DHRS7: variants seen among roughly 807,000 people sequenced by gnomAD.
DHRS7 encodes the protein dehydrogenase/reductase 7, also known as dehydrogenase/reductase SDR family member 7.
DHRS7 carries 34 observed loss-of-function variants against 38.9 expected under a neutral mutation model. The observed-to-expected ratio is 0.87, with a 90% CI of 0.66 to 1.16. DHRS7 has a LOEUF of 1.16. Ranked by LOEUF, DHRS7 falls within the 50% of genes most tolerant of loss-of-function variation. The probability of loss-of-function intolerance (pLI) is 0.00; values close to 1 mark genes in which losing one functional copy is unlikely to be tolerated. For synonymous variants in DHRS7, 158 were observed against 153.1 expected, an observed-to-expected ratio of 1.03 and a Z score of -0.24; for missense variants, 421 against 407.0, an observed-to-expected ratio of 1.03 and a Z score of -0.30.
intron 1 of DHRS7, among the ~76,000 whole-genome samples, chr14:60,158,230 C>CG (rs1441167002): frequency 3.7e-5 from 3 of 80,948 alleles, no homozygotes; most frequent in African/African-American, 2.2e-4. Flanking sequence ...GAGACTCTGT[C>CG]GGAAAAAAAA....
chr14:60,154,190 AAGTTCCT>A (rs1896611973), intron 2 of DHRS7, 125 bp from the exon 3 acceptor site: 3 of 687,702 alleles, frequency 4.4e-6, no homozygotes, highest in Non-Finnish European at 7.4e-6. Flanking sequence ...GGCCCTGTGA[AAGTTCCT>A]CTCGGTGGTC....
At position 60,165,379 on chromosome 14, in the gene DHRS7, G is replaced by T. The variant is rs879042109; in HGVS notation, c.-70C>A. 4.4e-5 allele frequency: 66 copies of T among 1,515,904 alleles called. No homozygotes were observed. The highest frequency in any genetic ancestry group is 5.6e-5 in the Non-Finnish European group (64 of 1,135,620). 93.9% of individuals were successfully genotyped at this position (1,515,904 alleles called of 1,614,324 possible). ...CCAGAGTCGCGTCGCTGCCCTGCGG[G>T]ATCGCAGCGCCACCCCTTCGGCCAG... is the stretch of plus-strand genomic sequence containing the variant. On this transcript the variant is annotated 5_prime_UTR_variant, in exon 1 of 7. Transcript: ENST00000557185. This position sits in a 1 kb window ranked among gnomAD's most constrained non-coding sequence, Gnocchi z 4.6.
Position 60,153,203 on chromosome 14 carries a change from G to T in DHRS7, c.394-25C>A, listed in dbSNP as rs192378541. 1.2e-6 allele frequency: 2 copies of T among 1,612,996 alleles called. No individual in the cohort carries two copies. Among genetic ancestry groups the T allele is most frequent in the Non-Finnish European group, 8.5e-7 (1 of 1,179,416 alleles). ...TCTAGTTAAATAAAATCAGAAAAGG[G>T]GTGTTTGGGGGATGTCTTGTGGATA... is the stretch of plus-strand genomic sequence containing the variant. On this transcript the variant is annotated intron_variant, in intron 3 of 6. Transcript: ENST00000557185. This position sits in a 1 kb window ranked among gnomAD's most constrained non-coding sequence, Gnocchi z 4.4.
chr14:60,147,137 GTGGGAGGAT>G (rs1896427605), intron 6 of DHRS7: 1 of 152,196 alleles, frequency 6.6e-6, no homozygotes, highest in Admixed American at 6.5e-5. Context: ...GGAGGCTGGG[GTGGGAGGAT>G]TGCTTGAGCC....
In DHRS7 at chr14:60,153,160, T is replaced by G; in HGVS notation, c.412A>C (p.Asn138His). 1 of 1,614,112 alleles carries G rather than the reference T, an allele frequency of 6.2e-7. No homozygotes were observed. Among genetic ancestry groups the G allele is most frequent in the Non-Finnish European group, 8.5e-7 (1 of 1,179,998 alleles). ...EFGRIDILVNNGGMSQRSLCM... is the reference protein window; with the variant it reads ...EFGRIDILVNHGGMSQRSLCM... ...AGAGAACGCTGGGACATTCCACCATTGTTGACCAGAATGTCGATCTAGTTA... is the reference window on the plus strand; with the variant it reads ...AGAGAACGCTGGGACATTCCACCATGGTTGACCAGAATGTCGATCTAGTTA... Residue 138 changes from asparagine to histidine, a missense_variant, in exon 4 of 7, where the codon AAT (asparagine) becomes CAT (histidine). Transcript: ENST00000557185. The surrounding 1 kb of genome is among the most constrained non-coding windows in gnomAD (Gnocchi z 4.4).
rs878872878 is a variant in DHRS7, at chr14:60,150,194, G to T, written c.634-7C>A. 9 of 1,119,702 alleles carry T rather than the reference G, an allele frequency of 8.0e-6. No individual in the cohort carries two copies. The highest frequency in any genetic ancestry group is 1.0e-5 in the Non-Finnish European group (9 of 893,262). The allele number at this position is 1,119,702 out of a possible 1,614,324, so 69.4% of individuals were successfully genotyped here. ...GAAGGCCATTAAAAAAACCCTAACA[G>T]ACAAAAAAAAAAAAAAAGGAAAAAG... On this transcript the variant is annotated splice_region_variant and splice_polypyrimidine_tract_variant and intron_variant, in intron 4 of 6. Transcript: ENST00000557185.
chr14:60,159,195 T>A (rs1462875233), intron 1 of DHRS7: 1 of 363,780 alleles, frequency 2.7e-6, no homozygotes, highest in Admixed American at 3.9e-5. Context: ...GATCTCCCTG[T>A]CAGAGGAGAT....
chr14:60,166,313 A>G (rs1188410948), upstream of DHRS7: 1 of 983,722 alleles, frequency 1.0e-6, no homozygotes, highest in African/African-American at 1.7e-5. Flanking sequence ...CATAGAAACT[A>G]GGCCATGTAT....
Position 60,146,051 on chromosome 14 carries a change from GGA to G in DHRS7, c.973-1040_973-1039del, listed in dbSNP as rs1243334095. On this transcript the variant is annotated intron_variant, in intron 6 of 6. Transcript: ENST00000557185. The surrounding 1 kb of genome is among the most constrained non-coding windows in gnomAD (Gnocchi z 4.9). ...CATATATATAAAATATAAAATAGTG[GGA>G]GAGAGGAAGAGTACAGACTATAAAG... 1 of 150,276 alleles carries G rather than the reference GGA, an allele frequency of 6.7e-6. No individual in the cohort carries two copies. The highest frequency in any genetic ancestry group is 1.5e-5 in the Non-Finnish European group (1 of 67,632). The allele number at this position is 150,276 out of a possible 1,614,324, so 9.3% of individuals were successfully genotyped here.
In DHRS7 at chr14:60,162,107, A is replaced by T. The variant is rs1404412078; in HGVS notation, c.133+3070T>A. 1.3e-5 allele frequency among the ~76,000 whole-genome samples: 2 copies of T among 152,184 alleles called. No individual in the cohort carries two copies. Among genetic ancestry groups the T allele is most frequent in the African/African-American group, 4.8e-5 (2 of 41,442 alleles). On this transcript the variant is annotated intron_variant, in intron 1 of 6. Coordinates refer to ENST00000557185, the MANE Select transcript of DHRS7 (RefSeq NM_016029.4). The surrounding 1 kb of genome is among the most constrained non-coding windows in gnomAD (Gnocchi z 4.5). ...TTCACCATATGTGGCTGGGCTTGGC[A>T]GTTCACATCTGTTATCCTAGCACTT...
At position 60,150,261 on chromosome 14, in the gene DHRS7, T is replaced by C. The variant is rs991343805; in HGVS notation, c.634-74A>G. The C allele has an allele frequency of 8.2e-6, 11 of 1,346,126 alleles. No individual in the cohort carries two copies. In the South Asian group the frequency reaches 8.8e-5, roughly 11 times the overall value. The allele number at this position is 1,346,126 out of a possible 1,614,324, so 83.4% of individuals were successfully genotyped here. Reference sequence around the variant, plus strand: ...ACATATCTCATGATTTATCAAAATATGTTCTAAAATGTGTGAGTAAAGGAC... The same window carrying C: ...ACATATCTCATGATTTATCAAAATACGTTCTAAAATGTGTGAGTAAAGGAC... On this transcript the variant is annotated intron_variant, in intron 4 of 6. Transcript: ENST00000557185.
chr14:60,154,248 G>A (rs556956714), intron 2 of DHRS7, among the ~76,000 whole-genome samples, 183 bp from the exon 3 acceptor site: 3 of 151,494 alleles, frequency 2.0e-5, no homozygotes, highest in African/African-American at 7.3e-5. Flanking sequence ...AAAGCTGGCT[G>A]GCCTCACAGG....
At chr14:60,158,880 A>T (rs1160990350) in intron 1 of DHRS7, 1 of 188,664 alleles carries the variant, frequency 5.3e-6, no homozygotes, top group Non-Finnish European at 1.1e-5. Flanking sequence ...TTATACTGAT[A>T]TGATAAGCTT....
chr14:60,167,063 G>T (rs1026227945), upstream of DHRS7, among the ~76,000 whole-genome samples: 6 of 152,172 alleles, frequency 3.9e-5, no homozygotes, highest in African/African-American at 1.4e-4. Flanking sequence ...ATAGTGCAAT[G>T]GGGTGCCTAT....
In DHRS7 at chr14:60,162,104, G is replaced by C. The variant is rs1166476891; in HGVS notation, c.133+3073C>G. ...AATTTCACCATATGTGGCTGGGCTT[G>C]GCAGTTCACATCTGTTATCCTAGCA... On this transcript the variant is annotated intron_variant, in intron 1 of 6. Coordinates refer to ENST00000557185, the MANE Select transcript of DHRS7 (RefSeq NM_016029.4). The surrounding 1 kb of genome is among the most constrained non-coding windows in gnomAD (Gnocchi z 4.5). Among the ~76,000 whole-genome samples the C allele has an allele frequency of 6.6e-6, 1 of 152,170 alleles. No individual in the cohort carries two copies. The highest frequency in any genetic ancestry group is 1.5e-5 in the Non-Finnish European group (1 of 68,036).
intron 2 of DHRS7, 39 bp downstream of exon 2, chr14:60,155,961 A>G (rs1896649707): frequency 6.8e-6 from 10 of 1,460,504 alleles, no homozygotes; most frequent in Middle Eastern, 1.8e-4. Context: ...GGACTGATTT[A>G]TTTCTAGGAA....
In DHRS7 at chr14:60,161,998, T is replaced by C. The variant is rs1180214650; in HGVS notation, c.133+3179A>G. Among the ~76,000 whole-genome samples, 2 of 152,258 alleles carry C rather than the reference T, an allele frequency of 1.3e-5. No homozygotes were observed. Among genetic ancestry groups the C allele is most frequent in the South Asian group, 4.1e-4 (2 of 4,830 alleles). The stretch of plus-strand genomic sequence containing the variant: ...AAACCTGAGTTTTGCTCACATGTGC[T>C]GCTGTTGAAATTTTTCCTCCTCTAG... On this transcript the variant is annotated intron_variant, in intron 1 of 6. Transcript: ENST00000557185. The surrounding 1 kb of genome is among the most constrained non-coding windows in gnomAD (Gnocchi z 4.2).
chr14:60,163,555 A>G (rs1896805446), intron 1 of DHRS7, among the ~76,000 whole-genome samples: 1 of 152,250 alleles, frequency 6.6e-6, no homozygotes, highest in Non-Finnish European at 1.5e-5. Flanking sequence ...ATAACAATGT[A>G]ATTAAATTTA....
At chr14:60,154,826 C>G (rs1896624184) in intron 2 of DHRS7, among the ~76,000 whole-genome samples, 1 of 152,098 alleles carries the variant, frequency 6.6e-6, no homozygotes, top group Non-Finnish European at 1.5e-5. Flanking sequence ...AAATGCTGAC[C>G]TGGTTCATCT....
Sources: gnomAD v4.1 joint callset for allele counts (sites outside exome capture counted in the v4.1 genomes callset) on GRCh38, gnomAD v4.1.1 for gene constraint, Gnocchi (gnomAD v3.1) non-coding constraint, MANE v1.5 for transcripts, NCBI Gene and HGNC (gene_info 2026-07-23, HGNC 2026-07-21) for gene names.